Variants in ADAMTS20 observed in about 807,000 individuals in gnomAD.
ADAMTS20 encodes the protein ADAM metallopeptidase with thrombospondin type 1 motif 20.
Under a neutral mutation model 260.1 loss-of-function variants are expected in ADAMTS20, and 225 were observed. That is an observed-to-expected ratio of 0.87 (90% CI 0.78 to 0.97). The LOEUF (loss-of-function observed/expected upper bound fraction) is 0.97, where lower values mean the gene tolerates loss of function less well. Among genes scored for constraint, ADAMTS20 ranks in the 50% least tolerant of loss-of-function variants. ADAMTS20 has a pLI of 0.00. For synonymous variants in ADAMTS20, 802 were observed against 769.5 expected (o/e 1.04, Z -0.70); for missense variants, 2,400 against 2,337.7 (o/e 1.03, Z -0.55).
At chr12:43,470,562 C>T (rs950519815) in intron 7 of ADAMTS20, among the ~76,000 whole-genome samples, 1 of 152,156 alleles carries the variant, frequency 6.6e-6, no homozygotes, top group South Asian at 2.1e-4. Context: ...ATTCTGGGTT[C>T]TCTAAAAGTT....
intron 28 of ADAMTS20, among the ~76,000 whole-genome samples, chr12:43,411,656 C>T (rs1056957758): frequency 6.6e-6 from 1 of 152,236 alleles, no homozygotes; most frequent in African/African-American, 2.4e-5. Flanking sequence ...GCATGAGTCA[C>T]CACGCCTGGC....
chr12:43,528,923 C>T (rs2137498277), intron 3 of ADAMTS20, among the ~76,000 whole-genome samples: 1 of 151,996 alleles, frequency 6.6e-6, no homozygotes, highest in East Asian at 1.9e-4. Context: ...GACTGGTATC[C>T]AAAATCTACA....
intron 36 of ADAMTS20, among the ~76,000 whole-genome samples, chr12:43,372,669 G>C (rs1380565314): frequency 1.3e-5 from 2 of 152,332 alleles, no homozygotes; most frequent in South Asian, 4.1e-4. Context: ...GGATGTGAGA[G>C]AGATTAGGAA....
chr12:43,432,248 C>A (rs1193159630), intron 21 of ADAMTS20, 56 bp downstream of exon 21: 2 of 1,530,896 alleles, frequency 1.3e-6, no homozygotes, highest in African/African-American at 1.4e-5. Flanking sequence ...TCTTAGATTA[C>A]AAAGCTTTAC....
chr12:43,536,155 A>G (rs1313782826), intron 2 of ADAMTS20, among the ~76,000 whole-genome samples: 4 of 152,170 alleles, frequency 2.6e-5, no homozygotes, highest in Non-Finnish European at 5.9e-5. Flanking sequence ...AGTAAATTAT[A>G]TCATTATCCC....
At position 43,464,692 on chromosome 12, in the gene ADAMTS20, C is replaced by T. The variant is rs752421744; in HGVS notation, c.1408G>A (p.Glu470Lys). ...AGTTCTGAAGGCAGATTATATATTT[C>T]TTCATCTGGTTTGTCAAGAAGACAT... is the stretch of plus-strand genomic sequence containing the variant. ...GECLLDKPDE[E>K]IYNLPSELPG... Residue 470 changes from glutamate to lysine, a missense_variant, in exon 10 of 39, where the codon GAA becomes AAA. Glu to Lys is a moderately conservative substitution (Grantham distance 56). Transcript: ENST00000389420. 2 of 1,613,204 alleles carry T rather than the reference C, an allele frequency of 1.2e-6. No homozygotes were observed. The highest frequency in any genetic ancestry group is 2.7e-5 in the African/African-American group (2 of 75,008).
chr12:43,443,916 CA>C, intron 15 of ADAMTS20, 33 bp from the exon 16 acceptor site: 2 of 1,575,458 alleles, frequency 1.3e-6, no homozygotes, highest in African/African-American at 2.7e-5. Context: ...TTAAATTTCA[CA>C]AAAAGCAGAT....
intron 38 of ADAMTS20, among the ~76,000 whole-genome samples, chr12:43,355,578 A>T (rs1422521661): frequency 6.6e-6 from 1 of 152,182 alleles, no homozygotes; most frequent in African/African-American, 2.4e-5. Context: ...TATAAATAGG[A>T]GTATAACTAA....
Position 43,467,569 on chromosome 12 carries a change from A to T in ADAMTS20, c.1224-774T>A, listed in dbSNP as rs536190282. 5.3e-5 allele frequency among the ~76,000 whole-genome samples: 8 copies of T among 152,192 alleles called. No homozygotes were observed. In the South Asian group the frequency reaches 1.7e-3, roughly 32 times the overall value. ...CTCAGGAAGAAAACAAATATCTAAG[A>T]TAGTACTCTCTGCAAAAATCGTCTT... On this transcript the variant is annotated intron_variant, in intron 8 of 38. Coordinates refer to ENST00000389420, the MANE Select transcript of ADAMTS20 (RefSeq NM_025003.5).
chr12:43,507,447 A>G (rs55986807), intron 3 of ADAMTS20, among the ~76,000 whole-genome samples: 13,852 of 152,156 alleles, frequency 0.091, 789 homozygotes, highest in Admixed American at 0.19. Flanking sequence ...CCTCAAAAGA[A>G]AGCATCCCTC....
At chr12:43,510,312 A>G (rs1251111738) in intron 3 of ADAMTS20, among the ~76,000 whole-genome samples, 1 of 152,002 alleles carries the variant, frequency 6.6e-6, no homozygotes, top group Non-Finnish European at 1.5e-5. Flanking sequence ...AAACTATTAC[A>G]TGCTTTCTTT....
chr12:43,477,603 C>T (rs1459885924), intron 7 of ADAMTS20, among the ~76,000 whole-genome samples: 1 of 152,104 alleles, frequency 6.6e-6, no homozygotes, highest in Non-Finnish European at 1.5e-5. Flanking sequence ...AAGTCCAAAC[C>T]TCAGTGATTT....
At chr12:43,474,108 A>T (rs1942310538) in intron 7 of ADAMTS20, among the ~76,000 whole-genome samples, 1 of 151,724 alleles carries the variant, frequency 6.6e-6, no homozygotes, top group South Asian at 2.1e-4. Flanking sequence ...TAATAAAGAA[A>T]AAAAGAGAGC....
At position 43,452,656 on chromosome 12, in the gene ADAMTS20, C is replaced by A. The variant is rs535948704; in HGVS notation, c.1800G>T (p.Met600Ile). The A allele has an allele frequency of 6.2e-7, 1 of 1,611,194 alleles. No homozygotes were observed. Among genetic ancestry groups the A allele is most frequent in the Non-Finnish European group, 8.5e-7 (1 of 1,178,600 alleles). The part of the protein sequence containing the change: ...NGGNYCVGRR[M>I]KFRSCNTDSC... ...AATCAGTATTACATGATCGAAATTT[C>A]ATCCTGCGGCCCACACAGTAATTTC... Residue 600 changes from methionine (M) to isoleucine (I), a missense_variant, in exon 13 of 39, where the codon ATG (methionine) becomes ATT (isoleucine). Coordinates refer to ENST00000389420, the MANE Select transcript of ADAMTS20 (RefSeq NM_025003.5).
At chr12:43,534,660 G>T (rs1262556895) in intron 2 of ADAMTS20, among the ~76,000 whole-genome samples, 1 of 151,906 alleles carries the variant, frequency 6.6e-6, no homozygotes, top group African/African-American at 2.4e-5. Flanking sequence ...AACAAAAAGA[G>T]AAAACATTCT....
intron 21 of ADAMTS20, among the ~76,000 whole-genome samples, 165 bp from the exon 22 acceptor site, chr12:43,431,661 C>T (rs1275726323): frequency 6.6e-6 from 1 of 152,142 alleles, no homozygotes; most frequent in Non-Finnish European, 1.5e-5. Flanking sequence ...AATCAGCCTG[C>T]CCCTAACTTC....
chr12:43,480,054 T>C (rs1942418062), intron 7 of ADAMTS20, among the ~76,000 whole-genome samples: 1 of 152,114 alleles, frequency 6.6e-6, no homozygotes, highest in Admixed American at 6.5e-5. Flanking sequence ...TAGTCAAATA[T>C]CTAGAAAGAA....
In ADAMTS20 at chr12:43,434,324, C is replaced by G. The variant is rs1342421099; in HGVS notation, c.2641G>C (p.Val881Leu). ...ITCIHKSDHSVVSDKECDHLP... is the reference protein window; with the variant it reads ...ITCIHKSDHSLVSDKECDHLP... ...TGGTCACATTCTTTATCAGACACAA[C>G]ACTATGATCACTCTTATGTATGCAA... The change falls in exon 19 of 39, where the codon GTT becomes CTT. Residue 881 changes from valine to leucine, a missense_variant. Physicochemically the swap from Val to Leu is conservative, Grantham distance 32. Coordinates refer to ENST00000389420, the MANE Select transcript of ADAMTS20 (RefSeq NM_025003.5). 25 of 1,592,204 alleles carry G rather than the reference C, an allele frequency of 1.6e-5. No homozygotes were observed. The highest frequency in any genetic ancestry group is 2.1e-5 in the Non-Finnish European group (25 of 1,167,982).
chr12:43,391,927 G>A (rs947728695), intron 29 of ADAMTS20, among the ~76,000 whole-genome samples: 3 of 152,102 alleles, frequency 2.0e-5, no homozygotes, highest in Non-Finnish European at 2.9e-5. Context: ...AGTATAAGCA[G>A]CAACCACCAA....
Sources: gnomAD v4.1 joint callset for allele counts (sites outside exome capture counted in the v4.1 genomes callset) on GRCh38, gnomAD v4.1.1 for gene constraint, MANE v1.5 for transcripts, NCBI Gene and HGNC (gene_info 2026-07-23, HGNC 2026-07-21) for gene names.